Variants in RMST observed in about 807,000 individuals in gnomAD.
RMST encodes the protein rhabdomyosarcoma 2 associated transcript, also known as long intergenic non-protein coding RNA 54.
intron 10 of RMST, among the ~76,000 whole-genome samples, chr12:97,512,185 T>TA (rs1879406525): frequency 6.6e-6 from 1 of 151,892 alleles, no homozygotes; most frequent in African/African-American, 2.4e-5. Context: ...CAGCGAGTGT[T>TA]ACAGCTCTTA....
chr12:97,466,553 C>CT (rs1873217962), intron 5 of RMST, among the ~76,000 whole-genome samples: 1 of 152,000 alleles, frequency 6.6e-6, no homozygotes, highest in African/African-American at 2.4e-5. Flanking sequence ...TTCAAAGGAT[C>CT]TAAGTGAATG....
intron 11 of RMST, among the ~76,000 whole-genome samples, chr12:97,543,685 T>C (rs569925659): frequency 2.0e-4 from 30 of 152,130 alleles, no homozygotes; most frequent in African/African-American, 6.5e-4. Context: ...GTACTTTACA[T>C]CTAATTCTGA....
chr12:97,548,624 G>A (rs1344126642), intron 11 of RMST, among the ~76,000 whole-genome samples: 1 of 151,928 alleles, frequency 6.6e-6, no homozygotes, highest in Non-Finnish European at 1.5e-5. Flanking sequence ...TTATAAATGG[G>A]ATTTTTAAAA....
chr12:97,551,875 A>G (rs1448915741), intron 11 of RMST: 2 of 152,198 alleles, frequency 1.3e-5, no homozygotes, highest in African/African-American at 2.4e-5. Context: ...CAGAAAATGG[A>G]CCAAGATAAC....
rs966857131 is a variant in RMST, at chr12:97,500,930, C to T, written n.1340+4874C>T. Among the ~76,000 whole-genome samples, 4 of 152,308 alleles carry T rather than the reference C, an allele frequency of 2.6e-5. No homozygotes were observed. The East Asian group carries it at 5.8e-4, about 22-fold the overall frequency. ...TAGAAAAATAAAATTAAAACCCAGACATACAAGACACAAACTCAATTTTCT... is the reference window on the plus strand; with the variant it reads ...TAGAAAAATAAAATTAAAACCCAGATATACAAGACACAAACTCAATTTTCT... On this transcript the variant is annotated intron_variant and non_coding_transcript_variant, in intron 10 of 13. Transcript: ENST00000640149.
At chr12:97,534,662 C>T (rs1034881443) in intron 11 of RMST, among the ~76,000 whole-genome samples, 1 of 151,620 alleles carries the variant, frequency 6.6e-6, no homozygotes, top group Admixed American at 6.6e-5. Flanking sequence ...CAGTGTGCTT[C>T]GAAGACATTT....
At chr12:97,514,435 G>C (rs935580203) in intron 10 of RMST, among the ~76,000 whole-genome samples, 2 of 152,180 alleles carry the variant, frequency 1.3e-5, no homozygotes, top group Admixed American at 6.5e-5. Flanking sequence ...CCAAAATAGT[G>C]ATTGGAGATT....
intron 10 of RMST, among the ~76,000 whole-genome samples, chr12:97,506,190 C>CT (rs74339521): frequency 0.18 from 27,919 of 151,958 alleles, 4,936 homozygotes; most frequent in African/African-American, 0.46. Flanking sequence ...CGTTTATTAG[C>CT]ATCAAACTAT....
chr12:97,496,033 A>C (rs1252716444), exon 10 of RMST: 1 of 152,144 alleles, frequency 6.6e-6, no homozygotes, highest in Non-Finnish European at 1.5e-5. Flanking sequence ...AGCCCAGCCC[A>C]TTTCATTCAC....
chr12:97,477,169 A>G (rs1023390703), intron 5 of RMST, among the ~76,000 whole-genome samples: 9 of 152,344 alleles, frequency 5.9e-5, no homozygotes, highest in Admixed American at 2.6e-4. Context: ...GACATAGTGC[A>G]TGGGGCAGAG....
intron 10 of RMST, among the ~76,000 whole-genome samples, chr12:97,512,883 G>A (rs1263663555): frequency 1.3e-5 from 2 of 152,218 alleles, no homozygotes; most frequent in African/African-American, 2.4e-5. Context: ...CCACGGAGGC[G>A]AGGGGGAGGC....
chr12:97,479,809 C>T (rs765047310), intron 5 of RMST, among the ~76,000 whole-genome samples: 2 of 152,140 alleles, frequency 1.3e-5, no homozygotes, highest in Non-Finnish European at 2.9e-5. Context: ...TATTTGTAGT[C>T]CAGTCTCTTG....
chr12:97,564,864 A>G (rs1452702655), exon 14 of RMST: 2 of 152,100 alleles, frequency 1.3e-5, no homozygotes, highest in African/African-American at 4.8e-5. Flanking sequence ...TCAATAGTTT[A>G]ATTTTTTTAT....
intron 5 of RMST, among the ~76,000 whole-genome samples, chr12:97,478,862 C>A (rs1265356229): frequency 6.6e-6 from 1 of 152,096 alleles, no homozygotes; most frequent in African/African-American, 2.4e-5. Context: ...GTAGAGCCTG[C>A]CATCCTAGGA....
In RMST at chr12:97,539,667, C is replaced by G. The variant is rs192648945; in HGVS notation, n.1545+8808C>G. On this transcript the variant is annotated intron_variant and non_coding_transcript_variant, in intron 11 of 13. Transcript: ENST00000640149. ...TTTAACCTTCATGTGGAGATGCGAA[C>G]GTGTTTTGTGTAAGACTCTTGACAC... Among the ~76,000 whole-genome samples the G allele has an allele frequency of 6.6e-5, 10 of 151,580 alleles. No homozygotes were observed. The East Asian group carries it at 1.7e-3, about 26-fold the overall frequency.
intron 10 of RMST, among the ~76,000 whole-genome samples, chr12:97,505,066 G>A (rs1878517869): frequency 1.3e-5 from 2 of 152,266 alleles, no homozygotes; most frequent in South Asian, 4.1e-4. Context: ...GATTTTAATT[G>A]AAAAATATTT....
intron 5 of RMST, among the ~76,000 whole-genome samples, chr12:97,474,163 C>A (rs12303469): frequency 3.3e-5 from 5 of 151,930 alleles, no homozygotes; most frequent in Admixed American, 6.6e-5. Flanking sequence ...GATCCTATTA[C>A]GTGAAGGGAC....
At chr12:97,553,116 C>T (rs1883421069) in intron 11 of RMST, among the ~76,000 whole-genome samples, 1 of 152,156 alleles carries the variant, frequency 6.6e-6, no homozygotes, top group Admixed American at 6.6e-5. Flanking sequence ...TGAAACATGA[C>T]TGTATTTGGC....
At chr12:97,529,405 G>A (rs866074173) in intron 10 of RMST, among the ~76,000 whole-genome samples, 1 of 152,056 alleles carries the variant, frequency 6.6e-6, no homozygotes. Context: ...TTTTCACAGA[G>A]AGAGATAAAA....
Sources: gnomAD v4.1 joint callset for allele counts (sites outside exome capture counted in the v4.1 genomes callset) on GRCh38, gnomAD v4.1.1 for gene constraint, MANE v1.5 for transcripts, NCBI Gene and HGNC (gene_info 2026-07-23, HGNC 2026-07-21) for gene names.